GALNT13: variants seen among roughly 807,000 people sequenced by gnomAD.
The protein encoded by GALNT13 is polypeptide N-acetylgalactosaminyltransferase 13.
GALNT13 carries 28 observed loss-of-function variants against 64.2 expected under a neutral mutation model. The observed-to-expected ratio is 0.44, with a 90% CI of 0.32 to 0.60. GALNT13 has a LOEUF of 0.60. Among genes scored for constraint, GALNT13 ranks in the 20% least tolerant of loss-of-function variants. The pLI is 0.05. For missense variants in GALNT13, 577 were observed against 669.8 expected (o/e 0.86, Z 1.53); for synonymous variants, 214 against 224.6 (o/e 0.95, Z 0.42).
rs534663508 is a variant in GALNT13 at position 154,076,198 on chromosome 2, C to T, written c.143-64139C>T. ...CAAATGGAAAAGGGAGGGGGCTTAA[C>T]CACAAGATGACTCTTAACATTTCTG... is the stretch of plus-strand genomic sequence containing the variant. On this transcript the variant is annotated intron_variant, in intron 3 of 12. Transcript: ENST00000392825. Among the ~76,000 whole-genome samples, 16 of 151,776 alleles carry T rather than the reference C, an allele frequency of 1.1e-4. No homozygotes were observed. The South Asian group carries it at 2.9e-3, about 28-fold the overall frequency.
chr2:154,229,177 G>A (rs778412285), intron 4 of GALNT13, among the ~76,000 whole-genome samples: 2 of 151,862 alleles, frequency 1.3e-5, no homozygotes, highest in Admixed American at 6.6e-5. Context: ...TGTAAACACC[G>A]GACACATCTC....
At chr2:153,478,454 C>T in the GALNT13 span, 1 of 1,613,806 alleles carries the variant, frequency 6.2e-7, no homozygotes, top group East Asian at 2.2e-5. Context: ...AAGCCGTCGT[C>T]GGTCACCACG....
chr2:154,003,431 T>A (rs943289048), intron 3 of GALNT13, among the ~76,000 whole-genome samples: 1 of 152,096 alleles, frequency 6.6e-6, no homozygotes, highest in African/African-American at 2.4e-5. Context: ...TGGCTCAGGG[T>A]ATTTTTGTGC....
the GALNT13 span, among the ~76,000 whole-genome samples, chr2:153,741,549 T>A: frequency 1.3e-5 from 2 of 152,126 alleles, no homozygotes; most frequent in East Asian, 3.8e-4. Flanking sequence ...ACTTAATACA[T>A]CTCAGTTGCT....
the GALNT13 span, among the ~76,000 whole-genome samples, chr2:153,232,480 C>T: frequency 2.6e-5 from 4 of 152,264 alleles, no homozygotes; most frequent in Non-Finnish European, 2.9e-5. Flanking sequence ...AACACACTCA[C>T]CACAGTGAAA....
the GALNT13 span, among the ~76,000 whole-genome samples, chr2:153,272,380 A>AT: frequency 6.6e-6 from 1 of 150,566 alleles, no homozygotes; most frequent in African/African-American, 2.5e-5. Flanking sequence ...AAGGGATAGT[A>AT]TCCAGAAGAC....
the GALNT13 span, among the ~76,000 whole-genome samples, chr2:153,826,731 G>C: frequency 6.6e-6 from 1 of 152,076 alleles, no homozygotes; most frequent in African/African-American, 2.4e-5. Context: ...AGAGAAACTA[G>C]ATGAAAAGCT....
intron 9 of GALNT13, among the ~76,000 whole-genome samples, chr2:154,308,182 G>A (rs1458089924): frequency 1.3e-5 from 2 of 151,866 alleles, no homozygotes; most frequent in East Asian, 1.9e-4. Flanking sequence ...TTTTTCTTTG[G>A]CAATATTGTA....
chr2:154,132,358 A>G, intron 3 of GALNT13, among the ~76,000 whole-genome samples: 1 of 152,220 alleles, frequency 6.6e-6, no homozygotes, highest in South Asian at 2.1e-4. Context: ...TTCCAAAAAT[A>G]GGCTTATTTT....
intron 3 of GALNT13, among the ~76,000 whole-genome samples, chr2:154,120,649 A>G (rs1367513416): frequency 6.6e-6 from 1 of 152,070 alleles, no homozygotes; most frequent in African/African-American, 2.4e-5. Flanking sequence ...AAATCAGTTT[A>G]GCCTTTGTGC....
the GALNT13 span, among the ~76,000 whole-genome samples, chr2:153,680,330 C>T: frequency 6.6e-6 from 1 of 151,678 alleles, no homozygotes; most frequent in African/African-American, 2.4e-5. Context: ...TCTGTTTCTA[C>T]TACCCTATGG....
intron 8 of GALNT13, among the ~76,000 whole-genome samples, chr2:154,286,192 C>T (rs1455623469): frequency 1.3e-5 from 2 of 152,114 alleles, no homozygotes; most frequent in Admixed American, 6.5e-5. Flanking sequence ...TGCCTAAATG[C>T]TCTGGCTAGG....
intron 3 of GALNT13, among the ~76,000 whole-genome samples, chr2:154,104,524 C>A (rs752260317): frequency 6.6e-6 from 1 of 152,160 alleles, no homozygotes; most frequent in Non-Finnish European, 1.5e-5. Flanking sequence ...GAGGGGGTGA[C>A]CCTCCTTCAC....
At chr2:153,641,518 C>A in the GALNT13 span, among the ~76,000 whole-genome samples, 2 of 152,212 alleles carry the variant, frequency 1.3e-5, no homozygotes, top group African/African-American at 4.8e-5. Context: ...TTTGGAATTG[C>A]CCAAGCTAAG....
At chr2:153,317,244 T>C in the GALNT13 span, among the ~76,000 whole-genome samples, 1 of 152,306 alleles carries the variant, frequency 6.6e-6, no homozygotes, top group East Asian at 1.9e-4. Context: ...GTTTATTCAA[T>C]ATAGTTCATG....
the GALNT13 span, among the ~76,000 whole-genome samples, chr2:153,647,968 T>C: frequency 6.6e-6 from 1 of 152,224 alleles, no homozygotes; most frequent in Non-Finnish European, 1.5e-5. Context: ...TGGTTCCATA[T>C]GAACTTTAAA....
At chr2:153,825,212 G>C in the GALNT13 span, among the ~76,000 whole-genome samples, 1 of 152,168 alleles carries the variant, frequency 6.6e-6, no homozygotes, top group Non-Finnish European at 1.5e-5. Context: ...CAAAGATGCT[G>C]CTTAATGTTC....
At chr2:153,117,785 C>T in the GALNT13 span, among the ~76,000 whole-genome samples, 1 of 152,150 alleles carries the variant, frequency 6.6e-6, no homozygotes. Context: ...TGGTCTTCCT[C>T]CTCCCTTCCA....
chr2:153,127,083 C>T, the GALNT13 span, among the ~76,000 whole-genome samples: 8 of 151,948 alleles, frequency 5.3e-5, no homozygotes, highest in Admixed American at 1.3e-4. Context: ...ATACAAGCTA[C>T]AAAAAAATCT....
Sources: gnomAD v4.1 joint callset for allele counts (sites outside exome capture counted in the v4.1 genomes callset) on GRCh38, gnomAD v4.1.1 for gene constraint, MANE v1.5 for transcripts, NCBI Gene and HGNC (gene_info 2026-07-23, HGNC 2026-07-21) for gene names.